The following ZNF148 variants were observed in gnomAD, a reference collection of about 807,000 sequenced individuals.
The protein encoded by ZNF148 is zinc finger protein 148.
A neutral mutation model predicts 67.7 loss-of-function variants in ZNF148; 7 were observed. The ratio of observed to expected loss-of-function variants is 0.10; its 90% CI spans 0.06 to 0.19. The LOEUF (loss-of-function observed/expected upper bound fraction) is 0.19. Ranked by LOEUF, ZNF148 falls within the 10% of genes least tolerant of loss-of-function variation. The pLI is 1.00. For missense variants in ZNF148, 583 were observed against 947.1 expected, an observed-to-expected ratio of 0.62 and a Z score of 5.05; for synonymous variants, 333 against 330.7, an observed-to-expected ratio of 1.01 and a Z score of -0.08.
chr3:125,270,303 T>A (rs749165878), intron 7 of ZNF148, among the ~76,000 whole-genome samples: 50 of 150,724 alleles, frequency 3.3e-4, no homozygotes, highest in Non-Finnish European at 5.8e-4. Context: ...GCCCAGGAGT[T>A]CCAGACCAGC....
intron 7 of ZNF148, among the ~76,000 whole-genome samples, chr3:125,251,242 A>G (rs1936827474): frequency 6.6e-6 from 1 of 152,202 alleles, no homozygotes; most frequent in African/African-American, 2.4e-5. Context: ...CTTCTCAAAA[A>G]TAACCACTAT....
intron 1 of ZNF148, among the ~76,000 whole-genome samples, chr3:125,346,992 AC>A (rs1467449876): frequency 6.6e-6 from 1 of 152,206 alleles, no homozygotes; most frequent in Non-Finnish European, 1.5e-5. Context: ...ACTAGAATAA[AC>A]AAGTTCACCA....
At chr3:125,318,943 T>TC (rs1940645467) in intron 3 of ZNF148, among the ~76,000 whole-genome samples, 1 of 152,098 alleles carries the variant, frequency 6.6e-6, no homozygotes. Flanking sequence ...TACAGGGGTA[T>TC]CTAGGGGGCC....
chr3:125,258,005 A>T (rs1937162262), intron 7 of ZNF148, among the ~76,000 whole-genome samples: 1 of 152,178 alleles, frequency 6.6e-6, no homozygotes, highest in Non-Finnish European at 1.5e-5. Context: ...TCTCTCTAAT[A>T]GCATCAGGTC....
intron 3 of ZNF148, among the ~76,000 whole-genome samples, chr3:125,315,635 G>A (rs1940451692): frequency 6.6e-6 from 1 of 151,322 alleles, no homozygotes; most frequent in African/African-American, 2.4e-5. Flanking sequence ...TTTGAACCCA[G>A]GAGGGGAAGG....
In ZNF148 at chr3:125,234,343, T is replaced by C. The variant is rs994901210; in HGVS notation, c.668-14A>G. The C allele has an allele frequency of 6.5e-7, 1 of 1,535,048 alleles. No individual in the cohort carries two copies. The highest frequency in any genetic ancestry group is 8.9e-7 in the Non-Finnish European group (1 of 1,117,402). On this transcript the variant is annotated splice_polypyrimidine_tract_variant and intron_variant, in intron 7 of 8. Transcript: ENST00000360647. ...ATGGTTTTTCACCTAGCACATAATA[T>C]AGAAAGTTTAAAACAAAACAAATAT...
chr3:125,330,312 A>C (rs1251989957), intron 2 of ZNF148, among the ~76,000 whole-genome samples: 1 of 151,774 alleles, frequency 6.6e-6, no homozygotes, highest in Non-Finnish European at 1.5e-5. Context: ...AAAAAACACA[A>C]AAGTTAGCCA....
At chr3:125,350,327 AT>A (rs986168333) in intron 1 of ZNF148, among the ~76,000 whole-genome samples, 4 of 151,100 alleles carry the variant, frequency 2.6e-5, no homozygotes, top group Admixed American at 6.6e-5. Flanking sequence ...GGCCCATCTA[AT>A]TTTTTTTTGT....
At chr3:125,283,437 CCT>C (rs1263021492) in intron 5 of ZNF148, among the ~76,000 whole-genome samples, 1 of 152,016 alleles carries the variant, frequency 6.6e-6, no homozygotes, top group African/African-American at 2.4e-5. Flanking sequence ...CTGTTTCTTC[CCT>C]GTTTCCTGAA....
intron 7 of ZNF148, among the ~76,000 whole-genome samples, chr3:125,257,558 T>TAA (rs747363908): frequency 0.034 from 3,164 of 92,204 alleles, 104 homozygotes; most frequent in Middle Eastern, 0.082. Context: ...CCGTCTCTAT[T>TAA]AAAAAAAAAA....
intron 1 of ZNF148, among the ~76,000 whole-genome samples, chr3:125,360,655 C>G (rs13074969): frequency 6.6e-6 from 1 of 151,986 alleles, no homozygotes; most frequent in Non-Finnish European, 1.5e-5. Context: ...CCACAAATAT[C>G]TTTCAGCTAA....
chr3:125,348,771 C>T (rs537126519), intron 1 of ZNF148, among the ~76,000 whole-genome samples: 240 of 152,270 alleles, frequency 1.6e-3, no homozygotes, highest in African/African-American at 5.2e-3. Context: ...AACAGAACCA[C>T]AAAAGCCCCC....
At chr3:125,295,894 A>T (rs1329451892) in intron 4 of ZNF148, among the ~76,000 whole-genome samples, 1 of 152,178 alleles carries the variant, frequency 6.6e-6, no homozygotes, top group Non-Finnish European at 1.5e-5. Context: ...AGCACCTTGA[A>T]CACCTTAAAG....
intron 1 of ZNF148, among the ~76,000 whole-genome samples, chr3:125,345,995 A>C (rs532833595): frequency 6.6e-6 from 1 of 152,322 alleles, no homozygotes; most frequent in African/African-American, 2.4e-5. Flanking sequence ...GATCAGCATT[A>C]CTGTTACCAA....
chr3:125,338,007 G>C (rs1431930273), intron 1 of ZNF148, among the ~76,000 whole-genome samples: 1 of 152,068 alleles, frequency 6.6e-6, no homozygotes, highest in East Asian at 1.9e-4. Context: ...GGAAGGCTGA[G>C]GTGGGAGGAT....
At position 125,232,668 on chromosome 3, in the gene ZNF148, T is replaced by A. The variant is rs772714530; in HGVS notation, c.2058A>T (p.Ser686=). 2 of 1,613,736 alleles carry A rather than the reference T, an allele frequency of 1.2e-6. No individual in the cohort carries two copies. Among genetic ancestry groups the A allele is most frequent in the Non-Finnish European group, 1.7e-6 (2 of 1,179,804 alleles). The change falls in exon 9 of 9, where the codon TCA becomes TCT. Residue 686 remains serine (S), a synonymous_variant. Transcript: ENST00000360647. The surrounding 1 kb of genome is among the most constrained non-coding windows in gnomAD (Gnocchi z 4.2). Reference sequence around the variant, plus strand: ...TTGTCTCATCACCTGAAAAGGGAAATGAGTGCTGTGAATCACCAACTATTA... The same window carrying A: ...TTGTCTCATCACCTGAAAAGGGAAAAGAGTGCTGTGAATCACCAACTATTA... The part of the protein sequence containing the change: ...FGLIVGDSQH[S]FPFSGDETNH...
intron 4 of ZNF148, among the ~76,000 whole-genome samples, chr3:125,308,390 A>G (rs1224688673): frequency 2.0e-5 from 3 of 152,190 alleles, no homozygotes; most frequent in African/African-American, 7.2e-5. Context: ...CAATGCTGAA[A>G]TAAAGAAAAC....
At chr3:125,259,045 A>G (rs1414563381) in intron 7 of ZNF148, among the ~76,000 whole-genome samples, 1 of 152,222 alleles carries the variant, frequency 6.6e-6, no homozygotes, top group Non-Finnish European at 1.5e-5. Flanking sequence ...ACATGATGTT[A>G]TATCTTGGAA....
intron 4 of ZNF148, among the ~76,000 whole-genome samples, chr3:125,296,035 C>A (rs1939263193): frequency 6.7e-6 from 1 of 150,148 alleles, no homozygotes; most frequent in Non-Finnish European, 1.5e-5. Flanking sequence ...CTCAATATGC[C>A]AAAAAAAAAA....
Sources: allele counts gnomAD v4.1 joint callset (sites outside exome capture counted in the v4.1 genomes callset), GRCh38; gene constraint gnomAD v4.1.1; non-coding constraint Gnocchi (gnomAD v3.1); transcripts MANE v1.5; gene names NCBI Gene and HGNC (gene_info 2026-07-23, HGNC 2026-07-21).